Variants in CDH13 observed in about 807,000 individuals in gnomAD.
CDH13 encodes cadherin-13.
Under a neutral mutation model 63.8 loss-of-function variants are expected in CDH13, and 24 were observed. The ratio of observed to expected loss-of-function variants is 0.38; its 90% CI spans 0.27 to 0.53. CDH13 has a LOEUF of 0.53. Among genes scored for constraint, CDH13 ranks in the 20% least tolerant of loss-of-function variants. CDH13 has a pLI of 0.85. For synonymous variants in CDH13, 503 were observed against 355.3 expected (o/e 1.42, Z -4.67); for missense variants, 1,049 against 903.1 (o/e 1.16, Z -2.07).
At chr16:83,711,790 A>T (rs1276841501) in intron 10 of CDH13, among the ~76,000 whole-genome samples, 1 of 152,242 alleles carries the variant, frequency 6.6e-6, no homozygotes, top group Non-Finnish European at 1.5e-5. Flanking sequence ...CACTGGGATT[A>T]CAGGCGTGAG....
intron 10 of CDH13, among the ~76,000 whole-genome samples, chr16:83,704,412 G>A (rs13380528): frequency 0.18 from 27,666 of 151,990 alleles, 2,982 homozygotes; most frequent in African/African-American, 0.31. Context: ...TACAAGCTTA[G>A]ACTCGGGTCA....
At chr16:82,630,018 G>C (rs1394957010) in intron 1 of CDH13, among the ~76,000 whole-genome samples, 1 of 152,176 alleles carries the variant, frequency 6.6e-6, no homozygotes, top group African/African-American at 2.4e-5. Context: ...GCTTGGGAGT[G>C]ACTGAAAATG....
At chr16:82,737,274 G>T (rs1448651991) in intron 1 of CDH13, among the ~76,000 whole-genome samples, 1 of 152,178 alleles carries the variant, frequency 6.6e-6, no homozygotes, top group African/African-American at 2.4e-5. Context: ...AGACCTGAGG[G>T]TCAAGATGGA....
At chr16:83,265,562 C>T (rs1316886443) in intron 5 of CDH13, among the ~76,000 whole-genome samples, 2 of 151,820 alleles carry the variant, frequency 1.3e-5, no homozygotes, top group East Asian at 1.9e-4. Flanking sequence ...TAATCTTTGC[C>T]ATCATAATTT....
At position 82,656,061 on chromosome 16, in the gene CDH13, A is replaced by T. The variant is rs533067759; in HGVS notation, c.45+28924A>T. On this transcript the variant is annotated intron_variant, in intron 1 of 13. Coordinates refer to ENST00000567109, the MANE Select transcript of CDH13 (RefSeq NM_001257.5). ...AGAAAATGCTGGTCTAGCAAAAGGA[A>T]CTCTGATTTCGATTTGGAAGTACAG... Among the ~76,000 whole-genome samples the T allele has an allele frequency of 1.3e-4, 20 of 152,226 alleles. No individual in the cohort carries two copies. In the South Asian group the frequency reaches 3.7e-3, roughly 28 times the overall value.
chr16:83,014,678 C>T (rs1914508484), intron 2 of CDH13, among the ~76,000 whole-genome samples: 1 of 141,502 alleles, frequency 7.1e-6, no homozygotes, highest in Non-Finnish European at 1.5e-5. Flanking sequence ...TTGCAGTGAG[C>T]TGAGATTGCA....
chr16:82,882,116 T>G (rs910269967), intron 2 of CDH13, among the ~76,000 whole-genome samples: 1 of 152,292 alleles, frequency 6.6e-6, no homozygotes, highest in Non-Finnish European at 1.5e-5. Flanking sequence ...AAAATAAATA[T>G]CAGGAATTTT....
At chr16:82,867,577 G>A (rs2040192921) in intron 2 of CDH13, among the ~76,000 whole-genome samples, 1 of 152,146 alleles carries the variant, frequency 6.6e-6, no homozygotes, top group Non-Finnish European at 1.5e-5. Context: ...TAGCAGCCAG[G>A]TCCTCCATGG....
intron 8 of CDH13, among the ~76,000 whole-genome samples, chr16:83,609,697 G>T (rs1376019760): frequency 1.3e-5 from 2 of 152,098 alleles, no homozygotes; most frequent in Non-Finnish European, 2.9e-5. Context: ...GGCCATTCAA[G>T]TTTTTTACTA....
chr16:83,658,293 G>A (rs1598426026), intron 8 of CDH13, among the ~76,000 whole-genome samples: 4 of 94,328 alleles, frequency 4.2e-5, no homozygotes, highest in Non-Finnish European at 8.6e-5. Flanking sequence ...AAGGTCTCAT[G>A]TCCTCACCAC....
intron 3 of CDH13, among the ~76,000 whole-genome samples, chr16:83,075,219 A>G (rs182398024): frequency 6.8e-4 from 104 of 151,876 alleles, no homozygotes; most frequent in African/African-American, 2.5e-3. Context: ...TTACTTCCCA[A>G]CTCCCTCACT....
At chr16:83,749,558 G>A (rs981377290) in intron 11 of CDH13, among the ~76,000 whole-genome samples, 4 of 152,336 alleles carry the variant, frequency 2.6e-5, no homozygotes, top group African/African-American at 9.6e-5. Context: ...CATCTTCAAA[G>A]CCAGATGATT....
intron 6 of CDH13, among the ~76,000 whole-genome samples, chr16:83,466,499 G>A (rs1441687923): frequency 1.3e-5 from 2 of 152,166 alleles, no homozygotes; most frequent in Non-Finnish European, 2.9e-5. Flanking sequence ...GCAGTGGGCT[G>A]GGGAGGAAAA....
At chr16:82,649,751 T>C (rs1260542430) in intron 1 of CDH13, among the ~76,000 whole-genome samples, 1 of 151,970 alleles carries the variant, frequency 6.6e-6, no homozygotes, top group African/African-American at 2.4e-5. Flanking sequence ...GGAAAGAAAT[T>C]ACTGGTTAAG....
chr16:83,711,489 T>C lies in CDH13; in HGVS notation c.1538+33028T>C, dbSNP rs545412313. 3.1e-3 allele frequency among the ~76,000 whole-genome samples: 474 copies of C among 152,264 alleles called. 3 individuals carry two copies. The highest frequency in any genetic ancestry group is 0.011 in the African/African-American group (446 of 41,554). ...GTGGTTGTTTGTTTGTTTGGTGTTTTGGGGTTTTTTATTTTTTGGTTTTTT... is the reference window on the plus strand; with the variant it reads ...GTGGTTGTTTGTTTGTTTGGTGTTTCGGGGTTTTTTATTTTTTGGTTTTTT... On this transcript the variant is annotated intron_variant, in intron 10 of 13. Transcript: ENST00000567109.
At chr16:83,152,690 C>T (rs983266301) in intron 4 of CDH13, among the ~76,000 whole-genome samples, 5 of 152,164 alleles carry the variant, frequency 3.3e-5, no homozygotes, top group African/African-American at 7.2e-5. Flanking sequence ...TGGACAAACA[C>T]GCTATGTGGT....
chr16:83,422,915 A>G (rs1409176285), intron 6 of CDH13, among the ~76,000 whole-genome samples: 1 of 152,190 alleles, frequency 6.6e-6, no homozygotes, highest in Non-Finnish European at 1.5e-5. Context: ...GAGGAGGAGA[A>G]TTTGGCAATT....
chr16:83,602,391 C>A, intron 7 of CDH13, 63 bp from the exon 8 acceptor site: 1 of 1,575,030 alleles, frequency 6.3e-7, no homozygotes, highest in Non-Finnish European at 8.7e-7. Context: ...ACGCCTGCCA[C>A]CTTTCCAAAG....
At chr16:83,308,299 C>T (rs977318161) in intron 5 of CDH13, among the ~76,000 whole-genome samples, 2 of 152,204 alleles carry the variant, frequency 1.3e-5, no homozygotes, top group African/African-American at 2.4e-5. Context: ...TGAAGGGGTT[C>T]ATTAGCAAGA....
Sources: allele counts gnomAD v4.1 joint callset (sites outside exome capture counted in the v4.1 genomes callset), GRCh38; gene constraint gnomAD v4.1.1; transcripts MANE v1.5; gene names NCBI Gene and HGNC (gene_info 2026-07-23, HGNC 2026-07-21).